KMT2E: variants seen among roughly 807,000 people sequenced by gnomAD.
The protein encoded by KMT2E is histone reader KMT2E.
Under a neutral mutation model 184.6 loss-of-function variants are expected in KMT2E, and 30 were observed. The observed-to-expected ratio is 0.16, with a 90% CI of 0.12 to 0.22. The LOEUF is 0.22. Ranked by LOEUF, KMT2E falls within the 10% of genes least tolerant of loss-of-function variation. The probability of loss-of-function intolerance (pLI) is 1.00; values close to 1 mark genes in which losing one functional copy is unlikely to be tolerated. For synonymous variants in KMT2E, 815 were observed against 776.5 expected, an observed-to-expected ratio of 1.05 and a Z score of -0.82; for missense variants, 2,023 against 2,237.4, an observed-to-expected ratio of 0.90 and a Z score of 1.93.
intron 24 of KMT2E, 35 bp downstream of exon 24, chr7:105,110,403 T>C (rs747880671): frequency 1.2e-6 from 2 of 1,613,770 alleles, no homozygotes; most frequent in Non-Finnish European, 1.7e-6. Flanking sequence ...GAAAGTGGAA[T>C]CAGTTAATCA....
chr7:105,079,115 TG>T (rs1156236230), intron 12 of KMT2E, 152 bp downstream of exon 12: 13 of 499,350 alleles, frequency 2.6e-5, no homozygotes, highest in South Asian at 1.6e-4. Flanking sequence ...TGAAAATTTA[TG>T]TGATAACTGG....
intron 1 of KMT2E, among the ~76,000 whole-genome samples, chr7:105,033,420 G>A (rs764022415): frequency 4.6e-5 from 7 of 152,166 alleles, no homozygotes; most frequent in Non-Finnish European, 8.8e-5. Context: ...ATTTAGTGTT[G>A]CTATAACAGA....
At chr7:105,064,035 G>A in intron 5 of KMT2E, 1 of 454,614 alleles carries the variant, frequency 2.2e-6, no homozygotes, top group South Asian at 1.6e-5. Flanking sequence ...CAGCACTCTG[G>A]AGTCTCCTTG....
At chr7:105,087,306 A>AATAT (rs1230060605) in intron 13 of KMT2E, among the ~76,000 whole-genome samples, 1 of 118,144 alleles carries the variant, frequency 8.5e-6, no homozygotes, top group East Asian at 3.5e-4. Context: ...ATAATATATA[A>AATAT]ATATAAATAT....
At chr7:105,053,195 C>T (rs998925333) in intron 3 of KMT2E, among the ~76,000 whole-genome samples, 4 of 151,922 alleles carry the variant, frequency 2.6e-5, no homozygotes, top group Non-Finnish European at 2.9e-5. Flanking sequence ...TTTTTAAAGG[C>T]ATTAGGAAAC....
chr7:105,049,775 C>A (rs1043752273), intron 3 of KMT2E, among the ~76,000 whole-genome samples: 30 of 151,898 alleles, frequency 2.0e-4, no homozygotes, highest in Non-Finnish European at 3.7e-4. Context: ...GCCTGTAATC[C>A]CAGCTACTCG....
chr7:105,060,488 A>G (rs190833080), intron 3 of KMT2E, among the ~76,000 whole-genome samples: 9 of 152,216 alleles, frequency 5.9e-5, no homozygotes, highest in South Asian at 2.1e-4. Flanking sequence ...GTGCAGTGAC[A>G]TGATCATAGC....
chr7:105,101,700 A>C, intron 16 of KMT2E, 111 bp downstream of exon 16: 1 of 1,008,954 alleles, frequency 9.9e-7, no homozygotes, highest in Admixed American at 3.6e-5. Context: ...GCTTTTTAAT[A>C]GCATTTTTCA....
rs550329855 is a variant in KMT2E, at chr7:105,014,289, A to G, written c.-435A>G. On this transcript the variant is annotated 5_prime_UTR_variant, in exon 1 of 27. Coordinates refer to ENST00000311117, the MANE Select transcript of KMT2E (RefSeq NM_182931.3). ...GTTCGGGAGCGGCAACAGAGTGGGC[A>G]TAGACACTCCGAGCAGCCTCGCCGT... is the stretch of plus-strand genomic sequence containing the variant. 2.0e-4 allele frequency: 32 copies of G among 160,012 alleles called. No individual in the cohort carries two copies. The East Asian group carries it at 5.4e-3, about 27-fold the overall frequency. The allele number at this position is 160,012 out of a possible 1,614,324, so 9.9% of individuals were successfully genotyped here.
intron 3 of KMT2E, among the ~76,000 whole-genome samples, chr7:105,052,178 C>T (rs1158850279): frequency 6.6e-6 from 1 of 152,156 alleles, no homozygotes; most frequent in Non-Finnish European, 1.5e-5. Flanking sequence ...TCTCTTATCT[C>T]ACTATTACTT....
chr7:105,101,551 A>G lies in KMT2E; in HGVS notation c.1849A>G (p.Lys617Glu). Reference sequence around the variant, plus strand: ...CAAAACTGAAGTTAAAACTGAATGTAAAGATACACAGATTGTCAGTGATGC... The same window carrying G: ...CAAAACTGAAGTTAAAACTGAATGTGAAGATACACAGATTGTCAGTGATGC... ...TAKTEVKTEC[K>E]DTQIVSDAEV... is the part of the protein sequence containing the mutation. The change falls in exon 16 of 27, where the codon AAA becomes GAA. Residue 617 changes from lysine to glutamate, a missense_variant. By Grantham distance (56) the Lys-to-Glu change is moderately conservative. This residue lies in a region of KMT2E where 514 missense variants were observed against 621.8 expected (regional missense o/e 0.83). Coordinates refer to ENST00000311117, the MANE Select transcript of KMT2E (RefSeq NM_182931.3). The G allele has an allele frequency of 6.3e-7, 1 of 1,577,560 alleles. No individual in the cohort carries two copies. The highest frequency in any genetic ancestry group is 8.6e-7 in the Non-Finnish European group (1 of 1,167,374).
chr7:105,018,661 G>A (rs1331568109), intron 1 of KMT2E, among the ~76,000 whole-genome samples: 2 of 152,010 alleles, frequency 1.3e-5, no homozygotes, highest in Non-Finnish European at 2.9e-5. Flanking sequence ...GCAAATTAAC[G>A]AGTGGAATAC....
At chr7:105,101,122 G>A (rs1399850919) in intron 15 of KMT2E, among the ~76,000 whole-genome samples, 1 of 151,992 alleles carries the variant, frequency 6.6e-6, no homozygotes, top group Admixed American at 6.6e-5. Flanking sequence ...AAGATTTTCG[G>A]TTTGGTAAAA....
chr7:105,047,718 T>C (rs113155254), intron 3 of KMT2E, among the ~76,000 whole-genome samples: 122 of 152,310 alleles, frequency 8.0e-4, no homozygotes, highest in African/African-American at 2.7e-3. Context: ...AGAACTAGGG[T>C]GATATTCCTG....
At chr7:105,070,604 G>A (rs914227492) in intron 6 of KMT2E, among the ~76,000 whole-genome samples, 1 of 136,052 alleles carries the variant, frequency 7.4e-6, no homozygotes, top group South Asian at 2.3e-4. Context: ...GCTGCACTCC[G>A]CCTGTGTGAG....
intron 1 of KMT2E, among the ~76,000 whole-genome samples, chr7:105,020,686 G>T (rs1018331281): frequency 6.6e-6 from 1 of 152,026 alleles, no homozygotes; most frequent in Admixed American, 6.5e-5. Context: ...TTTTCATAGG[G>T]TATTTAAAAT....
intron 1 of KMT2E, among the ~76,000 whole-genome samples, chr7:105,026,984 A>C (rs1043007518): frequency 2.6e-5 from 4 of 152,096 alleles, no homozygotes; most frequent in African/African-American, 9.7e-5. Context: ...CCTCATGCTT[A>C]AATGGTTTTT....
At chr7:105,097,163 T>C (rs1206709828) in intron 15 of KMT2E, among the ~76,000 whole-genome samples, 1 of 152,178 alleles carries the variant, frequency 6.6e-6, no homozygotes, top group Non-Finnish European at 1.5e-5. Flanking sequence ...AAAATCACTT[T>C]AGAATATGCA....
chr7:105,073,513 TGTTG>T, intron 6 of KMT2E, 102 bp from the exon 7 acceptor site: 1 of 683,640 alleles, frequency 1.5e-6, no homozygotes, highest in Non-Finnish European at 2.5e-6. Context: ...TATTTTATAC[TGTTG>T]GTTTTTCACT....
Sources: gnomAD v4.1 joint callset for allele counts (sites outside exome capture counted in the v4.1 genomes callset) on GRCh38, gnomAD v4.1.1 for gene constraint, gnomAD v4.1.1 regional missense constraint, MANE v1.5 for transcripts, NCBI Gene and HGNC (gene_info 2026-07-23, HGNC 2026-07-21) for gene names.